The following LRRC7 variants were observed in gnomAD, a reference collection of about 807,000 sequenced individuals.
LRRC7 encodes the protein leucine rich repeat containing 7.
In LRRC7, 23 loss-of-function variants were observed where a neutral mutation model predicts 175.7. The observed-to-expected ratio is 0.13, with a 90% CI of 0.09 to 0.19. The LOEUF is 0.19. Among genes scored for constraint, LRRC7 ranks in the 10% least tolerant of loss-of-function variants. LRRC7 has a pLI of 1.00. For synonymous variants in LRRC7, 685 were observed against 680.9 expected, an observed-to-expected ratio of 1.01 and a Z score of -0.09; for missense variants, 1,354 against 1,904.7, an observed-to-expected ratio of 0.71 and a Z score of 5.38.
intron 2 of LRRC7, among the ~76,000 whole-genome samples, chr1:69,712,742 C>CT (rs1206521732): frequency 6.6e-6 from 1 of 152,116 alleles, no homozygotes; most frequent in Non-Finnish European, 1.5e-5. Flanking sequence ...CATTTGGTCT[C>CT]TTATAAAAGA....
intron 2 of LRRC7, among the ~76,000 whole-genome samples, chr1:69,681,145 T>A (rs2100614106): frequency 6.6e-6 from 1 of 152,222 alleles, no homozygotes; most frequent in South Asian, 2.1e-4. Flanking sequence ...TGCAGCAATG[T>A]TAGATGGTCA....
chr1:69,723,043 CTT>C, intron 2 of LRRC7, among the ~76,000 whole-genome samples: 1 of 152,006 alleles, frequency 6.6e-6, no homozygotes, highest in East Asian at 1.9e-4. Context: ...TAAAAGACAT[CTT>C]TTGTTTTTGT....
Position 70,133,640 on chromosome 1 carries a change from A to C in LRRC7, c.*11753A>C, listed in dbSNP as rs1172436831. Among the ~76,000 whole-genome samples, 1 of 152,224 alleles carries C rather than the reference A, an allele frequency of 6.6e-6. No individual in the cohort carries two copies. Among genetic ancestry groups the C allele is most frequent in the Non-Finnish European group, 1.5e-5 (1 of 68,032 alleles). Reference sequence around the variant, plus strand: ...CAAGAGCTTTGAGCTTATTTTAGGCAGTTTATATGTTTTTTTACTAAACCT... The same window carrying C: ...CAAGAGCTTTGAGCTTATTTTAGGCCGTTTATATGTTTTTTTACTAAACCT... On this transcript the variant is annotated 3_prime_UTR_variant, in exon 27 of 27. Coordinates refer to ENST00000651989, the MANE Select transcript of LRRC7 (RefSeq NM_001370785.2).
chr1:70,029,341 A>T (rs1167579502), intron 18 of LRRC7, among the ~76,000 whole-genome samples: 1 of 152,138 alleles, frequency 6.6e-6, no homozygotes, highest in East Asian at 1.9e-4. Flanking sequence ...TTTAGACTGT[A>T]TATTAAAGGT....
At chr1:69,587,919 A>G (rs1646469314) in intron 1 of LRRC7, among the ~76,000 whole-genome samples, 1 of 152,148 alleles carries the variant, frequency 6.6e-6, no homozygotes, top group African/African-American at 2.4e-5. Context: ...AGTCTCAGGT[A>G]TCTTTATAGC....
At chr1:69,625,189 G>T (rs1294927947) in intron 1 of LRRC7, among the ~76,000 whole-genome samples, 6 of 151,208 alleles carry the variant, frequency 4.0e-5, no homozygotes, top group Non-Finnish European at 8.9e-5. Flanking sequence ...GGAGTATTTT[G>T]GTTTTTCTCC....
intron 1 of LRRC7, among the ~76,000 whole-genome samples, chr1:69,574,871 A>T (rs1557656180): frequency 6.6e-6 from 1 of 152,182 alleles, no homozygotes; most frequent in Non-Finnish European, 1.5e-5. Context: ...ATCAAGTGTG[A>T]TTAATTTATT....
intron 3 of LRRC7, among the ~76,000 whole-genome samples, chr1:69,783,863 C>A (rs6661589): frequency 0.48 from 71,946 of 151,464 alleles, 17,760 homozygotes; most frequent in African/African-American, 0.61. Flanking sequence ...CAGATAGGTC[C>A]AATCAAAGCA....
chr1:69,896,521 G>A (rs1051132464), intron 7 of LRRC7, among the ~76,000 whole-genome samples: 5 of 151,976 alleles, frequency 3.3e-5, no homozygotes, highest in East Asian at 3.9e-4. Flanking sequence ...TATTTTATAG[G>A]TATCTTATAC....
At chr1:70,116,276 G>A (rs1340716679) in intron 26 of LRRC7, among the ~76,000 whole-genome samples, 2 of 152,116 alleles carry the variant, frequency 1.3e-5, no homozygotes, top group Non-Finnish European at 2.9e-5. Flanking sequence ...TGCTGGGCGC[G>A]GTGGCTCACG....
chr1:69,749,312 C>A (rs1232178421), intron 2 of LRRC7, among the ~76,000 whole-genome samples: 1 of 152,078 alleles, frequency 6.6e-6, no homozygotes, highest in Admixed American at 6.6e-5. Flanking sequence ...ATCCTATAAT[C>A]CATAAGTTGA....
Position 69,767,993 on chromosome 1 carries a change from A to T in LRRC7, c.303+7600A>T, listed in dbSNP as rs142385028. On this transcript the variant is annotated intron_variant, in intron 3 of 26. Coordinates refer to ENST00000651989, the MANE Select transcript of LRRC7 (RefSeq NM_001370785.2). ...ATCCAGGTGAGGGCTGCAGGAAGAC[A>T]GCTGTATGGTGCTCACTACTCCACG... Among the ~76,000 whole-genome samples, 347 of 152,232 alleles carry T rather than the reference A, an allele frequency of 2.3e-3. 1 individual carries two copies. Among genetic ancestry groups the T allele is most frequent in the Non-Finnish European group, 3.5e-3 (240 of 68,010 alleles).
At chr1:69,986,514 T>A (rs1466922445) in intron 10 of LRRC7, 128 bp downstream of exon 10, 9 of 670,222 alleles carry the variant, frequency 1.3e-5, no homozygotes, top group Non-Finnish European at 2.0e-5. Context: ...TAAAATGTGC[T>A]ATGGAAATCA....
rs537135397 is a variant in LRRC7, at chr1:69,706,312, G to A, written c.100+27834G>A. Among the ~76,000 whole-genome samples the A allele has an allele frequency of 2.0e-5, 3 of 152,236 alleles. No homozygotes were observed. In the East Asian group the frequency reaches 5.8e-4, roughly 29 times the overall value. ...TCACTCACCTGTGCATGGATAAGAG[G>A]AATTTTGCTGTCCTGTCCTCAGTTA... On this transcript the variant is annotated intron_variant, in intron 2 of 26. Coordinates refer to ENST00000651989, the MANE Select transcript of LRRC7 (RefSeq NM_001370785.2).
intron 8 of LRRC7, among the ~76,000 whole-genome samples, chr1:69,964,977 T>C (rs1190321823): frequency 2.6e-5 from 4 of 152,222 alleles, no homozygotes; most frequent in African/African-American, 9.6e-5. Flanking sequence ...TGTGGAGTAA[T>C]AGCTGCATAT....
intron 2 of LRRC7, among the ~76,000 whole-genome samples, chr1:69,725,116 CTG>C (rs1666801650): frequency 1.3e-5 from 2 of 151,886 alleles, no homozygotes; most frequent in African/African-American, 4.8e-5. Flanking sequence ...ATATTAGACA[CTG>C]TATTCTTATG....
intron 2 of LRRC7, among the ~76,000 whole-genome samples, chr1:69,691,391 G>A (rs1027616267): frequency 5.7e-4 from 87 of 152,104 alleles, no homozygotes; most frequent in African/African-American, 2.0e-3. Flanking sequence ...AATTGCTTAA[G>A]GGCAAACAGA....
At chr1:69,621,845 C>A (rs1223724276) in intron 1 of LRRC7, among the ~76,000 whole-genome samples, 3 of 152,170 alleles carry the variant, frequency 2.0e-5, no homozygotes, top group Non-Finnish European at 4.4e-5. Flanking sequence ...CATTTCCTTT[C>A]ATCAGTAATG....
chr1:69,788,375 C>A (rs527832203), intron 3 of LRRC7, among the ~76,000 whole-genome samples: 1 of 152,208 alleles, frequency 6.6e-6, no homozygotes, highest in South Asian at 2.1e-4. Flanking sequence ...TTTGCTGTAC[C>A]AAAAGATTAC....
Sources: gnomAD v4.1 joint callset for allele counts (sites outside exome capture counted in the v4.1 genomes callset) on GRCh38, gnomAD v4.1.1 for gene constraint, MANE v1.5 for transcripts, NCBI Gene and HGNC (gene_info 2026-07-23, HGNC 2026-07-21) for gene names.